Variants in BRD1 observed in about 807,000 individuals in gnomAD.
The protein encoded by BRD1 is bromodomain containing 1.
BRD1 carries 24 observed loss-of-function variants against 107.7 expected under a neutral mutation model. The observed-to-expected ratio is 0.22, with a 90% CI of 0.16 to 0.31. The LOEUF is 0.31. Ranked by LOEUF, BRD1 falls within the 10% of genes least tolerant of loss-of-function variation. The pLI is 1.00. For synonymous variants in BRD1, 744 were observed against 686.1 expected (o/e 1.08, Z -1.32); for missense variants, 1,279 against 1,638.6 (o/e 0.78, Z 3.79).
At chr22:49,801,498 G>A (rs1244860882) in intron 3 of BRD1, among the ~76,000 whole-genome samples, 2 of 152,228 alleles carry the variant, frequency 1.3e-5, no homozygotes, top group East Asian at 1.9e-4. Context: ...ACACCAAGCC[G>A]TGGCCATCCC....
At chr22:49,786,377 C>T (rs894172624) in intron 8 of BRD1, among the ~76,000 whole-genome samples, 2 of 152,034 alleles carry the variant, frequency 1.3e-5, no homozygotes, top group Non-Finnish European at 2.9e-5. Flanking sequence ...GCAGAGGCTG[C>T]AGGAACACAG....
chr22:49,824,627 G>C lies in BRD1; in HGVS notation c.-14-296C>G. The C allele has an allele frequency of 8.3e-7, 1 of 1,204,188 alleles. No homozygotes were observed. Among genetic ancestry groups the C allele is most frequent in the African/African-American group, 1.5e-5 (1 of 64,730 alleles). The allele number at this position is 1,204,188 out of a possible 1,614,324, so 74.6% of individuals were successfully genotyped here. ...CTCTCAGACCACACCAACAGGCTGC[G>C]GAGACCACAGCAACGCTCCCCAAGG... On this transcript the variant is annotated intron_variant, in intron 1 of 12. Transcript: ENST00000404760. This position sits in a 1 kb window ranked among gnomAD's most constrained non-coding sequence, Gnocchi z 5.9.
intron 8 of BRD1, among the ~76,000 whole-genome samples, chr22:49,780,021 C>T (rs560803522): frequency 2.0e-5 from 3 of 152,148 alleles, no homozygotes; most frequent in East Asian, 1.9e-4. Context: ...GCTGAACAGA[C>T]GCAGCCCAGG....
Position 49,783,473 on chromosome 22 carries a change from T to TGGCACA in BRD1, c.2857+3911_2857+3916dup, listed in dbSNP as rs2059256485. ...CCGAGCCAAGTTCCTCCATACCCCA[T>TGGCACA]GGCACAGACACAGCACAACGCGCCT... On this transcript the variant is annotated intron_variant, in intron 8 of 12. Transcript: ENST00000404760. The surrounding 1 kb of genome is among the most constrained non-coding windows in gnomAD (Gnocchi z 4.2). Among the ~76,000 whole-genome samples the TGGCACA allele has an allele frequency of 1.3e-5, 2 of 152,330 alleles. No individual in the cohort carries two copies. The highest frequency in any genetic ancestry group is 4.1e-4 in the South Asian group (2 of 4,832).
At chr22:49,805,335 C>T (rs1022401918) in intron 2 of BRD1, 5 of 152,290 alleles carry the variant, frequency 3.3e-5, no homozygotes, top group Non-Finnish European at 5.9e-5. Flanking sequence ...CAGAACTGAC[C>T]GTGAGGTGCC....
At chr22:49,809,666 G>T (rs80174192) in intron 2 of BRD1, among the ~76,000 whole-genome samples, 1 of 152,060 alleles carries the variant, frequency 6.6e-6, no homozygotes, top group Non-Finnish European at 1.5e-5. Context: ...ACTGCTGACC[G>T]ATCAGCTGAA....
At chr22:49,780,448 G>A (rs939971355) in intron 8 of BRD1, among the ~76,000 whole-genome samples, 2 of 152,312 alleles carry the variant, frequency 1.3e-5, no homozygotes, top group Middle Eastern at 3.4e-3. Context: ...CAGCCCAACC[G>A]AGACACCACC....
At position 49,794,024 on chromosome 22, in the gene BRD1, C is replaced by T. The variant is rs781373021; in HGVS notation, c.2359+10G>A. 1.5e-5 allele frequency: 24 copies of T among 1,607,392 alleles called. No homozygotes were observed. The East Asian group carries it at 1.8e-4, about 12-fold the overall frequency. ...GGCAAGAAAGCGGGGCAGCCCTCAC[C>T]GTGGCTTACCTTCCTCGCCCGCCTC... is the stretch of plus-strand genomic sequence containing the variant. On this transcript the variant is annotated intron_variant, in intron 7 of 12. Coordinates refer to ENST00000404760, the MANE Select transcript of BRD1 (RefSeq NM_001304808.3).
chr22:49,804,774 C>A (rs545772422), intron 2 of BRD1, among the ~76,000 whole-genome samples: 8 of 152,230 alleles, frequency 5.3e-5, no homozygotes, highest in African/African-American at 1.7e-4. Flanking sequence ...TCGCTTAAAC[C>A]TGGGAGGTGG....
chr22:49,780,421 G>A (rs1308890478), intron 8 of BRD1, among the ~76,000 whole-genome samples: 1 of 152,224 alleles, frequency 6.6e-6, no homozygotes, highest in African/African-American at 2.4e-5. Flanking sequence ...GGAAGACGTG[G>A]GCAGCACAGA....
intron 2 of BRD1, among the ~76,000 whole-genome samples, chr22:49,819,262 G>GA (rs999811740): frequency 3.6e-4 from 54 of 149,804 alleles, no homozygotes; most frequent in Non-Finnish European, 7.1e-4. Context: ...TTCATCTCAG[G>GA]AAAAAAAAGA....
In BRD1 at chr22:49,777,767, G is replaced by T. The variant is rs371576151; in HGVS notation, c.2904C>A (p.Gly968=). ...GTGTGGCCTTCCTCCCCAGGCCGCC[G>T]CCCGGCTCCTGCTCGCTCCTCGCAC... ...FGGARSEQEP[G]GGLGRKATPR... is the part of the protein sequence containing the mutation. The change falls in exon 9 of 13, where the codon GGC becomes GGA. Residue 968 remains glycine (G), a synonymous_variant. Transcript: ENST00000404760. 1.9e-6 allele frequency: 3 copies of T among 1,605,232 alleles called. No individual in the cohort carries two copies. The highest frequency in any genetic ancestry group is 2.2e-5 in the East Asian group (1 of 44,698).
chr22:49,804,210 T>C lies in BRD1; in HGVS notation c.1518A>G (p.Ser506=). 6.3e-7 allele frequency: 1 copy of C among 1,589,562 alleles called. No individual in the cohort carries two copies. Among genetic ancestry groups the C allele is most frequent in the Non-Finnish European group, 8.6e-7 (1 of 1,167,198 alleles). The change falls in exon 3 of 13, where the codon TCA becomes TCG. Residue 506 remains serine, a synonymous_variant. Coordinates refer to ENST00000404760, the MANE Select transcript of BRD1 (RefSeq NM_001304808.3). ...LQSSLQSQRS[S]QQRENDEEMK... ...GGGGCCACGAGCCACGTACCTGCTG[T>C]GAGCTTCGCTGAGACTGCAGGCTGG...
At chr22:49,798,863 C>T in intron 4 of BRD1, 125 bp downstream of exon 4, 15 of 1,448,678 alleles carry the variant, frequency 1.0e-5, no homozygotes, top group Non-Finnish European at 1.4e-5. Context: ...CCAGCCTGGG[C>T]TGAGCAAGGC....
At position 49,782,295 on chromosome 22, in the gene BRD1, C is replaced by T. The variant is rs1454348212; in HGVS notation, c.2858-4482G>A. On this transcript the variant is annotated intron_variant, in intron 8 of 12. Transcript: ENST00000404760. ...GCCCAGGCCAGACGCCTGCACGAGA[C>T]CTGCTCTTGCTGGGACCTGCTCCGT... Among the ~76,000 whole-genome samples the T allele has an allele frequency of 3.5e-5, 5 of 144,870 alleles. No homozygotes were observed. The South Asian group carries it at 6.6e-4, about 19-fold the overall frequency.
At chr22:49,797,142 C>T (rs2059550164) in intron 6 of BRD1, among the ~76,000 whole-genome samples, 1 of 152,186 alleles carries the variant, frequency 6.6e-6, no homozygotes, top group African/African-American at 2.4e-5. Context: ...GGGACAGCCC[C>T]GGTTTCCGAG....
chr22:49,781,367 C>T (rs941638068), intron 8 of BRD1, among the ~76,000 whole-genome samples: 1 of 152,234 alleles, frequency 6.6e-6, no homozygotes, highest in Admixed American at 6.5e-5. Context: ...TGAGACACCG[C>T]CCCTCCCCAC....
rs893298259 is a variant in BRD1, at chr22:49,803,329, G to A, written c.1524+875C>T. Among the ~76,000 whole-genome samples, 3 of 152,234 alleles carry A rather than the reference G, an allele frequency of 2.0e-5. No individual in the cohort carries two copies. Among genetic ancestry groups the A allele is most frequent in the African/African-American group, 4.8e-5 (2 of 41,452 alleles). ...CCTCACAGCAGAGCAGGATGGTTTC[G>A]CTTCGTGCCCAGGATGGCAGTGAAA... On this transcript the variant is annotated intron_variant, in intron 3 of 12. Coordinates refer to ENST00000404760, the MANE Select transcript of BRD1 (RefSeq NM_001304808.3). This position sits in a 1 kb window ranked among gnomAD's most constrained non-coding sequence, Gnocchi z 4.4.
Position 49,798,023 on chromosome 22 carries a change from A to G in BRD1, c.1880T>C (p.Phe627Ser), listed in dbSNP as rs2059567496. 1.2e-6 allele frequency: 2 copies of G among 1,614,044 alleles called. No individual in the cohort carries two copies. The highest frequency in any genetic ancestry group is 1.7e-6 in the Non-Finnish European group (2 of 1,180,036). The stretch of plus-strand genomic sequence containing the variant: ...TATAATGAGATCAAAATCCTCCTCA[A>G]ACTCATGGAGGTTTTTATACCCTTG... The part of the protein sequence containing the change: ...EAQGYKNLHE[F>S]EEDFDLIIDN... The change falls in exon 6 of 13, where the codon TTT (phenylalanine) becomes TCT (serine). Residue 627 changes from phenylalanine to serine, a missense_variant. Coordinates refer to ENST00000404760, the MANE Select transcript of BRD1 (RefSeq NM_001304808.3).
Sources: gnomAD v4.1 joint callset for allele counts (sites outside exome capture counted in the v4.1 genomes callset) on GRCh38, gnomAD v4.1.1 for gene constraint, Gnocchi (gnomAD v3.1) non-coding constraint, MANE v1.5 for transcripts, NCBI Gene and HGNC (gene_info 2026-07-23, HGNC 2026-07-21) for gene names.